The following TPRG1 variants were observed in gnomAD, a reference collection of about 807,000 sequenced individuals.
TPRG1 encodes the protein tumor protein p63-regulated gene 1 protein.
Under a neutral mutation model 29.3 loss-of-function variants are expected in TPRG1, and 29 were observed. That is an observed-to-expected ratio of 0.99 (90% CI 0.74 to 1.35). TPRG1 has a LOEUF of 1.35. TPRG1 is among the 40% of genes most tolerant of loss of function. The probability of loss-of-function intolerance (pLI) is 0.00; values close to 1 mark genes in which losing one functional copy is unlikely to be tolerated. For missense variants in TPRG1, 327 were observed against 335.0 expected (o/e 0.98, Z 0.19); for synonymous variants, 130 against 116.8 (o/e 1.11, Z -0.73).
At chr3:189,263,703 C>T (rs779877385) in intron 4 of TPRG1, among the ~76,000 whole-genome samples, 4 of 152,148 alleles carry the variant, frequency 2.6e-5, no homozygotes, top group Non-Finnish European at 4.4e-5. Context: ...TGAGATAATA[C>T]GCATAAATCA....
At chr3:189,131,766 A>C (rs1015931110) in intron 2 of TPRG1, among the ~76,000 whole-genome samples, 2 of 152,208 alleles carry the variant, frequency 1.3e-5, no homozygotes, top group Non-Finnish European at 2.9e-5. Flanking sequence ...TTATAGCCAG[A>C]GGCATATTAT....
intron 4 of TPRG1, among the ~76,000 whole-genome samples, chr3:189,041,383 G>A (rs1714624345): frequency 6.6e-6 from 1 of 152,224 alleles, no homozygotes; most frequent in Admixed American, 6.5e-5. Flanking sequence ...TTTGAAATCA[G>A]AGAGTCTCGG....
rs35836287 is a variant in TPRG1 at position 189,229,294 on chromosome 3, CA to C, written c.303-9429del. On this transcript the variant is annotated intron_variant, in intron 3 of 5. Transcript: ENST00000345063. ...TATTTTAAAATTTGTGTGGAAAGAC[CA>C]AAAAAAAAATAGCTAAAGCAATTCT... Among the ~76,000 whole-genome samples, 166 of 146,952 alleles carry C rather than the reference CA, an allele frequency of 1.1e-3. 2 individuals carry two copies. The highest frequency in any genetic ancestry group is 6.9e-3 in the Middle Eastern group (2 of 288).
chr3:189,184,916 T>A (rs1475067598), intron 1 of TPRG1, among the ~76,000 whole-genome samples: 1 of 152,200 alleles, frequency 6.6e-6, no homozygotes, highest in African/African-American at 2.4e-5. Context: ...GAGCTTATAG[T>A]TCCCTTGGAG....
chr3:189,213,924 T>G (rs949634508), intron 2 of TPRG1, among the ~76,000 whole-genome samples: 2 of 152,186 alleles, frequency 1.3e-5, no homozygotes, highest in Non-Finnish European at 2.9e-5. Flanking sequence ...TCCCTAGTCC[T>G]TTATTGAGAG....
intron 5 of TPRG1, among the ~76,000 whole-genome samples, chr3:189,320,383 C>T (rs1336081458): frequency 6.6e-6 from 1 of 152,040 alleles, no homozygotes; most frequent in African/African-American, 2.4e-5. Context: ...GAAAAAATTA[C>T]ATATTATTTC....
chr3:189,007,971 G>T (rs1217011694), intron 3 of TPRG1, among the ~76,000 whole-genome samples: 1 of 148,480 alleles, frequency 6.7e-6, no homozygotes, highest in South Asian at 2.1e-4. Flanking sequence ...CGGGTGCAGC[G>T]CACCAGCATG....
chr3:189,048,778 C>T (rs1403627565), intron 4 of TPRG1, among the ~76,000 whole-genome samples: 2 of 152,192 alleles, frequency 1.3e-5, no homozygotes, highest in East Asian at 3.8e-4. Flanking sequence ...GAAGCGAATG[C>T]TCCTGCAGGA....
At chr3:189,091,693 C>T (rs1047596355) in intron 4 of TPRG1, among the ~76,000 whole-genome samples, 5 of 152,156 alleles carry the variant, frequency 3.3e-5, no homozygotes, top group Non-Finnish European at 7.4e-5. Flanking sequence ...TCTCCTCCTC[C>T]TCTGTTACCT....
intron 4 of TPRG1, among the ~76,000 whole-genome samples, chr3:189,075,690 G>A (rs895578121): frequency 3.9e-5 from 6 of 152,130 alleles, no homozygotes; most frequent in African/African-American, 1.4e-4. Context: ...AGTTGCCTTG[G>A]TCAGTTCCAC....
At chr3:189,098,020 C>T (rs1718801226), upstream of TPRG1, among the ~76,000 whole-genome samples, 1 of 152,190 alleles carries the variant, frequency 6.6e-6, no homozygotes, top group Admixed American at 6.5e-5. Flanking sequence ...TATTTGACTT[C>T]ATTTCTTTCT....
At chr3:189,301,447 A>G (rs1226923858) in intron 4 of TPRG1, among the ~76,000 whole-genome samples, 2 of 152,226 alleles carry the variant, frequency 1.3e-5, no homozygotes, top group Non-Finnish European at 2.9e-5. Flanking sequence ...GAAAAATACA[A>G]CTAATTCCAC....
At chr3:189,193,433 C>A (rs1732025049) in intron 1 of TPRG1, among the ~76,000 whole-genome samples, 1 of 152,044 alleles carries the variant, frequency 6.6e-6, no homozygotes, top group South Asian at 2.1e-4. Context: ...TTTTGCTTCC[C>A]AGATTTAAAT....
chr3:189,023,099 G>A lies in TPRG1; in HGVS notation c.-659-651G>A, dbSNP rs373613010. ...CCCTGCTTTGGCTCGCGCATGGTGC[G>A]CGCACCCACTGACCTGCGCCCACTG... is the stretch of plus-strand genomic sequence containing the variant. On this transcript the variant is annotated intron_variant, in intron 3 of 10. Transcript: ENST00000433971. 2.5e-3 allele frequency among the ~76,000 whole-genome samples: 383 copies of A among 152,334 alleles called. 2 individuals are homozygous for A. In the South Asian group the frequency reaches 0.028, roughly 11 times the overall value.
chr3:189,139,456 G>A (rs542089891), intron 3 of TPRG1, among the ~76,000 whole-genome samples: 13 of 152,222 alleles, frequency 8.5e-5, no homozygotes, highest in African/African-American at 2.2e-4. Context: ...CAGAGAGCAC[G>A]TACATGTTAG....
intron 5 of TPRG1, among the ~76,000 whole-genome samples, chr3:189,311,359 C>A (rs1722457869): frequency 6.6e-6 from 1 of 152,046 alleles, no homozygotes; most frequent in South Asian, 2.1e-4. Context: ...TATTACAATT[C>A]TTTATTTGCT....
At chr3:189,001,292 T>C (rs542889284) in intron 2 of TPRG1, among the ~76,000 whole-genome samples, 5 of 152,300 alleles carry the variant, frequency 3.3e-5, no homozygotes, top group Admixed American at 1.3e-4. Flanking sequence ...AAAACCTTTT[T>C]GTCTTGAAGA....
intron 4 of TPRG1, among the ~76,000 whole-genome samples, chr3:189,281,699 G>C (rs1717159592): frequency 6.6e-6 from 1 of 151,982 alleles, no homozygotes; most frequent in African/African-American, 2.4e-5. Context: ...TGGTAAGCTT[G>C]TTTTCACAAA....
chr3:189,302,749 G>A (rs1057356024), intron 4 of TPRG1, among the ~76,000 whole-genome samples: 1 of 152,158 alleles, frequency 6.6e-6, no homozygotes, highest in Admixed American at 6.5e-5. Context: ...TGGCATCTGA[G>A]AAAACACAGC....
Sources: gnomAD v4.1 joint callset for allele counts (sites outside exome capture counted in the v4.1 genomes callset) on GRCh38, gnomAD v4.1.1 for gene constraint, MANE v1.5 for transcripts, NCBI Gene and HGNC (gene_info 2026-07-23, HGNC 2026-07-21) for gene names.